The following HTR2C variants were observed in gnomAD, a reference collection of about 807,000 sequenced individuals.
HTR2C encodes the protein 5-hydroxytryptamine (serotonin) receptor 2C, G protein-coupled.
Under a neutral mutation model 21.0 loss-of-function variants are expected in HTR2C, and 5 were observed. The ratio of observed to expected loss-of-function variants is 0.24; its 90% CI spans 0.12 to 0.50. The LOEUF is 0.50. Among genes scored for constraint, HTR2C ranks in the 20% least tolerant of loss-of-function variants. HTR2C has a pLI of 0.98. For missense variants in HTR2C, 271 were observed against 371.2 expected (o/e 0.73, Z 2.22); for synonymous variants, 150 against 145.3 (o/e 1.03, Z -0.23).
chrX:114,661,896 C>A (rs1889484009), intron 2 of HTR2C, among the ~76,000 whole-genome samples: 1 of 111,964 alleles, frequency 8.9e-6, no homozygotes, highest in South Asian at 3.7e-4. Context: ...TGCAAATTAA[C>A]TTCCAAAGCT....
intron 4 of HTR2C, 94 bp downstream of exon 4, chrX:114,731,701 A>G: frequency 1.4e-6 from 1 of 694,539 alleles, no homozygotes; most frequent in African/African-American, 2.2e-5. Flanking sequence ...TACTTGTAAC[A>G]TTTGGAAAAA....
chrX:114,622,368 T>A (rs1929199836), intron 2 of HTR2C, among the ~76,000 whole-genome samples: 1 of 110,946 alleles, frequency 9.0e-6, no homozygotes, highest in Admixed American at 9.6e-5. Flanking sequence ...TGAAGTGAGA[T>A]AATGAAATAC....
intron 2 of HTR2C, among the ~76,000 whole-genome samples, chrX:114,624,142 C>T (rs781934911): frequency 1.9e-4 from 21 of 109,384 alleles, no homozygotes; most frequent in African/African-American, 4.6e-4. Context: ...GTGATCCGCC[C>T]GCCTCAGCCT....
At chrX:114,754,743 A>T (rs1556429348) in intron 4 of HTR2C, among the ~76,000 whole-genome samples, 1 of 111,725 alleles carries the variant, frequency 9.0e-6, no homozygotes, top group Non-Finnish European at 1.9e-5. Flanking sequence ...TGACAGCAAA[A>T]GCCCAATCCA....
chrX:114,855,381 GT>G (rs1185362261), intron 5 of HTR2C, among the ~76,000 whole-genome samples: 2 of 111,121 alleles, frequency 1.8e-5, no homozygotes, highest in African/African-American at 6.5e-5. Flanking sequence ...TTTTCTCAAT[GT>G]TGGTATATTT....
intron 4 of HTR2C, among the ~76,000 whole-genome samples, chrX:114,788,862 T>C (rs2070204078): frequency 1.8e-5 from 2 of 111,155 alleles, no homozygotes; most frequent in South Asian, 7.7e-4. Context: ...TTGCTCAGGC[T>C]GGTCTCAAAC....
chrX:114,814,841 A>ATATAT (rs1556453874), intron 4 of HTR2C, among the ~76,000 whole-genome samples: 1 of 101,504 alleles, frequency 9.9e-6, no homozygotes, highest in Non-Finnish European at 2.0e-5. Context: ...ACTATAGAAT[A>ATATAT]TATATTATAA....
intron 1 of HTR2C, among the ~76,000 whole-genome samples, chrX:114,610,634 C>G (rs1928684838): frequency 9.0e-6 from 1 of 111,197 alleles, no homozygotes; most frequent in African/African-American, 3.3e-5. Context: ...ATATGTACGG[C>G]AAGGTTATGG....
intron 4 of HTR2C, among the ~76,000 whole-genome samples, chrX:114,833,697 T>A (rs2070752267): frequency 9.0e-6 from 1 of 111,202 alleles, no homozygotes; most frequent in African/African-American, 3.3e-5. Context: ...TGTCTCTATT[T>A]CCTTCAGTTC....
chrX:114,682,051 AT>A (rs1931763976), intron 2 of HTR2C, among the ~76,000 whole-genome samples: 1 of 111,522 alleles, frequency 9.0e-6, no homozygotes, highest in Non-Finnish European at 1.9e-5. Flanking sequence ...ACTAAGACTT[AT>A]TTTTAAATAA....
intron 1 of HTR2C, among the ~76,000 whole-genome samples, chrX:114,599,899 ATG>A (rs1197628181): frequency 1.8e-5 from 2 of 111,990 alleles, no homozygotes; most frequent in Non-Finnish European, 3.8e-5. Context: ...ACTCAAACTT[ATG>A]TCAGTAATGT....
chrX:114,816,316 G>A (rs1035345144), intron 4 of HTR2C, among the ~76,000 whole-genome samples: 5 of 97,415 alleles, frequency 5.1e-5, no homozygotes, highest in African/African-American at 2.4e-4. Flanking sequence ...ATGACCAACC[G>A]CATCACTTTG....
intron 4 of HTR2C, among the ~76,000 whole-genome samples, chrX:114,746,896 A>T (rs1170355860): frequency 9.0e-6 from 1 of 111,019 alleles, no homozygotes; most frequent in East Asian, 2.8e-4. Context: ...GAGGCAGGAG[A>T]ATGGTGTGAA....
chrX:114,606,296 A>G (rs1221922731), intron 1 of HTR2C, among the ~76,000 whole-genome samples: 1 of 110,654 alleles, frequency 9.0e-6, no homozygotes, highest in Non-Finnish European at 1.9e-5. Flanking sequence ...AGGGGTAGAG[A>G]CAAGGAGAGA....
chrX:114,714,339 TG>T (rs1266150258), intron 2 of HTR2C, among the ~76,000 whole-genome samples: 1 of 112,281 alleles, frequency 8.9e-6, no homozygotes, highest in Non-Finnish European at 1.9e-5. Context: ...TTCACTTTTC[TG>T]TAAAATATTC....
chrX:114,851,607 G>A (rs2070918414), intron 5 of HTR2C, among the ~76,000 whole-genome samples: 2 of 111,235 alleles, frequency 1.8e-5, no homozygotes, highest in African/African-American at 6.5e-5. Flanking sequence ...TCATGTTGGT[G>A]GAGACTCCTG....
chrX:114,666,384 A>AT (rs1230751899), intron 2 of HTR2C, among the ~76,000 whole-genome samples: 3 of 112,091 alleles, frequency 2.7e-5, no homozygotes, highest in African/African-American at 9.7e-5. Flanking sequence ...AACTGAATTG[A>AT]AAATCAACCT....
rs1438611732 is a variant in HTR2C at position 114,755,636 on chromosome X, T to C, written c.349+24029T>C. Among the ~76,000 whole-genome samples the C allele has an allele frequency of 5.4e-5, 6 of 111,714 alleles. No individual in the cohort carries two copies. The Admixed American group carries it at 5.8e-4, about 11-fold the overall frequency. ...GCCATATGAGGTAACATTCAAAGGT[T>C]CCAGGCATTTGGACTTGGCTATTTT... is the stretch of plus-strand genomic sequence containing the variant. On this transcript the variant is annotated intron_variant, in intron 4 of 5. Transcript: ENST00000276198.
intron 2 of HTR2C, among the ~76,000 whole-genome samples, chrX:114,661,823 A>G (rs1490463919): frequency 8.9e-6 from 1 of 111,883 alleles, no homozygotes; most frequent in East Asian, 2.8e-4. Flanking sequence ...TAAATCTGCC[A>G]TGAAAACACA....
Sources: allele counts gnomAD v4.1 joint callset (sites outside exome capture counted in the v4.1 genomes callset), GRCh38; gene constraint gnomAD v4.1.1; transcripts MANE v1.5; gene names NCBI Gene and HGNC (gene_info 2026-07-23, HGNC 2026-07-21).